Variants in CEP85L observed in about 807,000 individuals in gnomAD.
CEP85L encodes the protein centrosomal protein of 85 kDa-like.
CEP85L carries 60 observed loss-of-function variants against 100.3 expected under a neutral mutation model. The observed-to-expected ratio is 0.60, with a 90% CI of 0.49 to 0.74. The LOEUF is 0.74. Among genes scored for constraint, CEP85L ranks in the 30% least tolerant of loss-of-function variants. The probability of loss-of-function intolerance (pLI) is 0.00; values close to 1 mark genes in which losing one functional copy is unlikely to be tolerated. For missense variants in CEP85L, 973 were observed against 936.2 expected, an observed-to-expected ratio of 1.04 and a Z score of -0.51; for synonymous variants, 319 against 322.7, an observed-to-expected ratio of 0.99 and a Z score of 0.12.
At chr6:118,694,076 C>T (rs868454523) in intron 1 of CEP85L, among the ~76,000 whole-genome samples, 28 of 152,218 alleles carry the variant, frequency 1.8e-4, no homozygotes, top group African/African-American at 6.8e-4. Flanking sequence ...CTACAGTCCA[C>T]ACCTTTGAAT....
At chr6:118,541,635 C>A (rs559171008) in intron 3 of CEP85L, among the ~76,000 whole-genome samples, 1 of 152,084 alleles carries the variant, frequency 6.6e-6, no homozygotes, top group Non-Finnish European at 1.5e-5. Context: ...AGGTTCTCCA[C>A]CTGAAGCAAT....
At chr6:118,519,059 C>A (rs1242092460) in intron 4 of CEP85L, among the ~76,000 whole-genome samples, 1 of 151,976 alleles carries the variant, frequency 6.6e-6, no homozygotes, top group Admixed American at 6.6e-5. Flanking sequence ...GTTTCTTAAT[C>A]CTGAGTTCTA....
intron 1 of CEP85L, among the ~76,000 whole-genome samples, chr6:118,695,063 C>T (rs1473301932): frequency 6.6e-6 from 1 of 152,304 alleles, no homozygotes; most frequent in South Asian, 2.1e-4. Flanking sequence ...CTCTTTCCTT[C>T]TAATCATTAG....
chr6:118,579,209 T>C (rs779656975), intron 2 of CEP85L, among the ~76,000 whole-genome samples: 12 of 152,006 alleles, frequency 7.9e-5, no homozygotes, highest in Non-Finnish European at 8.8e-5. Flanking sequence ...AAGCTGTTTT[T>C]AAAAATCAAA....
chr6:118,603,480 A>G (rs1023254621), intron 2 of CEP85L, among the ~76,000 whole-genome samples: 4 of 152,256 alleles, frequency 2.6e-5, no homozygotes, highest in African/African-American at 9.6e-5. Flanking sequence ...CCATATTGCC[A>G]TAAGTTAAGA....
chr6:118,511,388 A>G lies in CEP85L; in HGVS notation c.1167T>C (p.His389=), dbSNP rs528973419. ...DRQKQQITHL[H]ERIRDNELRA... is the part of the protein sequence containing the mutation. ...GTAATTCATTATCCCTTATCCTCTC[A>G]TGCAGGTGGGTAATTTGTTGCTTCT... The change falls in exon 5 of 13, where the codon CAT becomes CAC. Residue 389 remains histidine (H), a synonymous_variant. Coordinates refer to ENST00000368491, the MANE Select transcript of CEP85L (RefSeq NM_001042475.3). 13 of 1,612,318 alleles carry G rather than the reference A, an allele frequency of 8.1e-6. No individual in the cohort carries two copies. In the East Asian group the frequency reaches 2.0e-4, roughly 25 times the overall value.
chr6:118,652,827 AG>A (rs1163814662), upstream of CEP85L: 94 of 1,052,576 alleles, frequency 8.9e-5, no homozygotes, highest in Admixed American at 2.2e-3. Context: ...AAAAAGATAC[AG>A]AAACATGAAA....
chr6:118,565,170 C>T (rs1583059769), intron 3 of CEP85L: 1 of 210,440 alleles, frequency 4.8e-6, no homozygotes, highest in East Asian at 1.3e-4. Context: ...GACACAAAAT[C>T]TAAGACCTTG....
chr6:118,565,886 T>G lies in CEP85L; in HGVS notation c.663A>C (p.Lys221Asn). The G allele has an allele frequency of 6.2e-7, 1 of 1,614,062 alleles. No homozygotes were observed. Among genetic ancestry groups the G allele is most frequent in the East Asian group, 2.2e-5 (1 of 44,886 alleles). The change falls in exon 3 of 13, where the codon AAA becomes AAC. Residue 221 changes from lysine to asparagine, a missense_variant. Physicochemically the swap from Lys to Asn is moderately conservative, Grantham distance 94 (BLOSUM62 0). This residue lies in a region of CEP85L where 890 missense variants were observed against 844.5 expected (regional missense o/e 1.05). Coordinates refer to ENST00000368491, the MANE Select transcript of CEP85L (RefSeq NM_001042475.3). ...ACTTGCAGTCCAGAGTTGATGACCG[T>G]TTTTTATTTATTTCCTTGTCCTCTA... ...LRLEDKEINK[K>N]RSSTLDCKYK...
intron 3 of CEP85L, chr6:118,538,055 G>A (rs1777698249): frequency 2.0e-6 from 1 of 496,394 alleles, no homozygotes; most frequent in Non-Finnish European, 2.6e-6. Flanking sequence ...TATGAATTAT[G>A]TTATTACTAA....
chr6:118,594,119 CAAT>C (rs764770834), intron 2 of CEP85L, among the ~76,000 whole-genome samples: 11 of 152,166 alleles, frequency 7.2e-5, no homozygotes, highest in Non-Finnish European at 1.5e-4. Flanking sequence ...TTCATATATA[CAAT>C]GATTAGGGGA....
intron 3 of CEP85L, among the ~76,000 whole-genome samples, chr6:118,552,465 T>C (rs1562253249): frequency 6.6e-6 from 1 of 152,024 alleles, no homozygotes; most frequent in Non-Finnish European, 1.5e-5. Context: ...AGAATGCATC[T>C]GATATTACAT....
At chr6:118,636,606 C>CAG (rs1487741776) in intron 1 of CEP85L, among the ~76,000 whole-genome samples, 1 of 144,806 alleles carries the variant, frequency 6.9e-6, no homozygotes, top group Non-Finnish European at 1.5e-5. Context: ...CTGGATAAGG[C>CAG]AGACTGCCCT....
intron 2 of CEP85L, among the ~76,000 whole-genome samples, chr6:118,600,300 G>GGTGT (rs59278037): frequency 0.018 from 950 of 52,096 alleles, 79 homozygotes; most frequent in Middle Eastern, 0.042. Flanking sequence ...CCTTCCTGGG[G>GGTGT]GTGTGTGTGT....
chr6:118,707,544 A>T (rs1019593531), intron 1 of CEP85L, among the ~76,000 whole-genome samples: 4 of 152,200 alleles, frequency 2.6e-5, no homozygotes, highest in African/African-American at 9.6e-5. Flanking sequence ...AGGAAGCACC[A>T]ACACTTACTA....
chr6:118,572,395 AAAAAAAC>A (rs1247310164), intron 2 of CEP85L, among the ~76,000 whole-genome samples: 1 of 151,820 alleles, frequency 6.6e-6, no homozygotes, highest in African/African-American at 2.4e-5. Flanking sequence ...CTCTACTTAG[AAAAAAAC>A]AAAAAACAAA....
chr6:118,580,390 C>T (rs971821208), intron 2 of CEP85L, among the ~76,000 whole-genome samples: 15 of 152,288 alleles, frequency 9.8e-5, no homozygotes, highest in African/African-American at 3.6e-4. Context: ...ATTATACAAG[C>T]GAGCTTAAAA....
chr6:118,683,913 G>T (rs1362848835), intron 1 of CEP85L, among the ~76,000 whole-genome samples: 1 of 152,136 alleles, frequency 6.6e-6, no homozygotes, highest in Non-Finnish European at 1.5e-5. Context: ...ACACAGAGTT[G>T]CTCATTTTGC....
In CEP85L at chr6:118,492,787, C is replaced by CA. The variant is rs556874033; in HGVS notation, c.1258-923dup. ...TTTAATGTGTCATACACAAAAAGACCAAAAAAAGACAATGAAACTAAGTGC... is the reference window on the plus strand; with the variant it reads ...TTTAATGTGTCATACACAAAAAGACCAAAAAAAAGACAATGAAACTAAGTGC... On this transcript the variant is annotated intron_variant, in intron 5 of 12. Coordinates refer to ENST00000368491, the MANE Select transcript of CEP85L (RefSeq NM_001042475.3). Among the ~76,000 whole-genome samples the CA allele has an allele frequency of 6.3e-4, 96 of 151,872 alleles. 2 individuals are homozygous for CA. The South Asian group carries it at 0.019, about 31-fold the overall frequency.
Sources: gnomAD v4.1 joint callset for allele counts (sites outside exome capture counted in the v4.1 genomes callset) on GRCh38, gnomAD v4.1.1 for gene constraint, gnomAD v4.1.1 regional missense constraint, MANE v1.5 for transcripts, NCBI Gene and HGNC (gene_info 2026-07-23, HGNC 2026-07-21) for gene names.